DLGAP1: variants seen among roughly 807,000 people sequenced by gnomAD.
DLGAP1 encodes disks large-associated protein 1.
Under a neutral mutation model 90.8 loss-of-function variants are expected in DLGAP1, and 11 were observed. That is an observed-to-expected ratio of 0.12 (90% CI 0.08 to 0.20). The LOEUF (loss-of-function observed/expected upper bound fraction) is 0.20. DLGAP1 is among the 10% of genes least tolerant of loss of function. The pLI is 1.00. For missense variants in DLGAP1, 1,050 were observed against 1,333.8 expected (o/e 0.79, Z 3.31); for synonymous variants, 558 against 540.7 (o/e 1.03, Z -0.44).
At chr18:4,150,068 T>C (rs955334957) in intron 2 of DLGAP1, among the ~76,000 whole-genome samples, 1 of 152,198 alleles carries the variant, frequency 6.6e-6, no homozygotes, top group Admixed American at 6.5e-5. Context: ...TCCCATTGCC[T>C]GCAGTGGTAG....
intron 3 of DLGAP1, among the ~76,000 whole-genome samples, chr18:3,910,477 A>G (rs1046659983): frequency 2.0e-5 from 3 of 152,176 alleles, no homozygotes; most frequent in African/African-American, 7.2e-5. Flanking sequence ...TCATCCATTA[A>G]AGCCTGCTGC....
intron 3 of DLGAP1, among the ~76,000 whole-genome samples, chr18:3,933,903 A>C (rs1272195274): frequency 1.3e-5 from 2 of 152,116 alleles, no homozygotes; most frequent in Non-Finnish European, 2.9e-5. Context: ...CCTCCACAGT[A>C]TCCCCAGTCT....
intron 1 of DLGAP1, among the ~76,000 whole-genome samples, chr18:4,360,049 G>A (rs901211443): frequency 3.3e-5 from 5 of 152,284 alleles, no homozygotes; most frequent in African/African-American, 1.2e-4. Flanking sequence ...GTAAAGAGTT[G>A]TGTAGACAAT....
intron 7 of DLGAP1, among the ~76,000 whole-genome samples, chr18:3,584,950 G>A (rs937898615): frequency 6.6e-6 from 1 of 152,080 alleles, no homozygotes; most frequent in Non-Finnish European, 1.5e-5. Flanking sequence ...TGGGGGTCTT[G>A]TTGTGTTGCC....
intron 2 of DLGAP1, among the ~76,000 whole-genome samples, chr18:4,126,644 C>T (rs758435761): frequency 6.6e-6 from 1 of 151,996 alleles, no homozygotes; most frequent in African/African-American, 2.4e-5. Flanking sequence ...TTGGAAGAAC[C>T]CTTTAGAAAT....
At chr18:3,817,009 C>T (rs1385938872) in intron 4 of DLGAP1, among the ~76,000 whole-genome samples, 3 of 152,222 alleles carry the variant, frequency 2.0e-5, no homozygotes, top group Admixed American at 1.3e-4. Flanking sequence ...ATGCTGAGAA[C>T]AGTCTTGTTT....
intron 2 of DLGAP1, among the ~76,000 whole-genome samples, chr18:4,029,314 T>C (rs1467151224): frequency 2.6e-5 from 4 of 152,238 alleles, no homozygotes; most frequent in African/African-American, 9.6e-5. Flanking sequence ...GCAATAATCA[T>C]GAAAATGCAG....
At chr18:3,623,171 T>C (rs1217156882) in intron 7 of DLGAP1, among the ~76,000 whole-genome samples, 1 of 152,082 alleles carries the variant, frequency 6.6e-6, no homozygotes, top group Non-Finnish European at 1.5e-5. Context: ...TGTGTCCCCA[T>C]GTCCTCACTG....
intron 7 of DLGAP1, among the ~76,000 whole-genome samples, chr18:3,623,585 C>T (rs1237526372): frequency 4.6e-5 from 7 of 151,534 alleles, no homozygotes; most frequent in Admixed American, 1.3e-4. Flanking sequence ...GTCAGGAGTG[C>T]GAGACCAGCC....
chr18:3,561,848 G>T (rs1467552767), intron 9 of DLGAP1, among the ~76,000 whole-genome samples: 1 of 150,902 alleles, frequency 6.6e-6, no homozygotes, highest in Admixed American at 6.6e-5. Flanking sequence ...AAAGAAAGAG[G>T]TTTATGGGAC....
chr18:3,807,076 C>T (rs1052248597), intron 5 of DLGAP1, among the ~76,000 whole-genome samples: 1 of 152,190 alleles, frequency 6.6e-6, no homozygotes, highest in Admixed American at 6.5e-5. Flanking sequence ...TTCTTTCCTG[C>T]ACCTGAGGCT....
In DLGAP1 at chr18:3,649,773, CAA is replaced by C. The variant is rs892402002; in HGVS notation, c.1592-67527_1592-67526del. ...GAAAAGAGGAGGAGGGAGAGGGAAA[CAA>C]AGAGGGGAAAAGATAAACTTAAAAA... On this transcript the variant is annotated intron_variant, in intron 7 of 12. Transcript: ENST00000315677. 2.3e-4 allele frequency among the ~76,000 whole-genome samples: 34 copies of C among 150,456 alleles called. 1 individual carries two copies. Among genetic ancestry groups the C allele is most frequent in the African/African-American group, 6.6e-4 (27 of 40,676 alleles).
intron 3 of DLGAP1, among the ~76,000 whole-genome samples, chr18:3,976,251 C>T (rs900743503): frequency 1.8e-4 from 27 of 150,278 alleles, no homozygotes; most frequent in East Asian, 5.9e-4. Context: ...TGGTGCATGC[C>T]TGTAATCCCA....
At position 3,653,540 on chromosome 18, in the gene DLGAP1, G is replaced by A. The variant is rs1599737855; in HGVS notation, c.1592-71292C>T. 1 of 152,140 alleles carries A rather than the reference G, an allele frequency of 6.6e-6. No individual in the cohort carries two copies. 9.4% of individuals were successfully genotyped at this position (152,140 alleles called of 1,614,324 possible). ...TTTCTTTTTGCTGATTTAAAAAGCT[G>A]CTATGAAGCTGCACAGTGCGGAAGA... On this transcript the variant is annotated intron_variant, in intron 7 of 12. Transcript: ENST00000315677. This position sits in a 1 kb window ranked among gnomAD's most constrained non-coding sequence, Gnocchi z 4.6.
At chr18:4,182,499 T>A (rs2077226098) in intron 1 of DLGAP1, among the ~76,000 whole-genome samples, 1 of 152,064 alleles carries the variant, frequency 6.6e-6, no homozygotes, top group African/African-American at 2.4e-5. Context: ...TATTTTTTAT[T>A]TTTTTTGTCT....
intron 7 of DLGAP1, among the ~76,000 whole-genome samples, chr18:3,708,101 G>A (rs2061493118): frequency 6.6e-6 from 1 of 151,962 alleles, no homozygotes; most frequent in African/African-American, 2.4e-5. Flanking sequence ...CACCTCCGGG[G>A]CTCAAGCAAT....
chr18:3,597,519 G>T, intron 7 of DLGAP1: 1 of 320,622 alleles, frequency 3.1e-6, no homozygotes, highest in Non-Finnish European at 6.0e-6. Flanking sequence ...CCCATCTAAT[G>T]AGAGTCCGGT....
chr18:3,642,909 C>G (rs2146333916), intron 7 of DLGAP1, among the ~76,000 whole-genome samples: 2 of 152,354 alleles, frequency 1.3e-5, no homozygotes, highest in Middle Eastern at 6.8e-3. Context: ...ACCAGCTACT[C>G]TTCGACACTT....
At chr18:3,989,587 T>A (rs2073919195) in intron 3 of DLGAP1, among the ~76,000 whole-genome samples, 1 of 152,064 alleles carries the variant, frequency 6.6e-6, no homozygotes, top group African/African-American at 2.4e-5. Flanking sequence ...GTGTTAATGA[T>A]CCCCCAAACA....
Sources: allele counts gnomAD v4.1 joint callset (sites outside exome capture counted in the v4.1 genomes callset), GRCh38; gene constraint gnomAD v4.1.1; non-coding constraint Gnocchi (gnomAD v3.1); transcripts MANE v1.5; gene names NCBI Gene and HGNC (gene_info 2026-07-23, HGNC 2026-07-21).